CAB39: variants seen among roughly 807,000 people sequenced by gnomAD.
The protein encoded by CAB39 is calcium-binding protein 39.
CAB39 carries 8 observed loss-of-function variants against 40.0 expected under a neutral mutation model. The observed-to-expected ratio is 0.20, with a 90% CI of 0.12 to 0.36. The LOEUF is 0.36. Among genes scored for constraint, CAB39 ranks in the 10% least tolerant of loss-of-function variants. CAB39 has a pLI of 1.00. For missense variants in CAB39, 270 were observed against 401.1 expected (o/e 0.67, Z 2.79); for synonymous variants, 156 against 141.6 (o/e 1.10, Z -0.72).
At chr2:230,721,990 T>A (rs1401898268) in intron 1 of CAB39, among the ~76,000 whole-genome samples, 5 of 152,016 alleles carry the variant, frequency 3.3e-5, no homozygotes, top group Admixed American at 3.3e-4. Context: ...CTAATTCGGA[T>A]GATAATTTTT....
intron 2 of CAB39, among the ~76,000 whole-genome samples, chr2:230,785,531 G>T (rs1489454723): frequency 1.3e-5 from 2 of 151,922 alleles, no homozygotes; most frequent in Non-Finnish European, 2.9e-5. Context: ...TAACAGGCAG[G>T]GTGAGTTCCT....
At chr2:230,805,579 A>G (rs1002578446) in intron 5 of CAB39, among the ~76,000 whole-genome samples, 3 of 152,146 alleles carry the variant, frequency 2.0e-5, no homozygotes, top group African/African-American at 7.2e-5. Flanking sequence ...CTCACCTCCA[A>G]TCTCTTCATC....
At chr2:230,769,004 A>G (rs1695437059) in intron 2 of CAB39, among the ~76,000 whole-genome samples, 1 of 152,192 alleles carries the variant, frequency 6.6e-6, no homozygotes, top group Non-Finnish European at 1.5e-5. Flanking sequence ...GTGCCTATTA[A>G]AAAATGTACT....
intron 1 of CAB39, among the ~76,000 whole-genome samples, chr2:230,754,927 A>T (rs992418458): frequency 6.6e-6 from 1 of 152,208 alleles, no homozygotes; most frequent in African/African-American, 2.4e-5. Flanking sequence ...TGTCAGTGAG[A>T]ACATTATGAT....
At chr2:230,784,742 A>G (rs1239246565) in intron 2 of CAB39, among the ~76,000 whole-genome samples, 1 of 152,172 alleles carries the variant, frequency 6.6e-6, no homozygotes, top group African/African-American at 2.4e-5. Context: ...AGAAAAAAAG[A>G]ATTAACGCGG....
chr2:230,750,252 G>T (rs1267523129), intron 1 of CAB39, among the ~76,000 whole-genome samples: 2 of 152,206 alleles, frequency 1.3e-5, no homozygotes, highest in African/African-American at 4.8e-5. Flanking sequence ...CGTTAAGAGG[G>T]ATTAATGCCT....
At chr2:230,803,848 C>T (rs952956821) in intron 5 of CAB39, among the ~76,000 whole-genome samples, 20 of 152,112 alleles carry the variant, frequency 1.3e-4, no homozygotes, top group African/African-American at 4.1e-4. Flanking sequence ...GATTCAATGC[C>T]ATTCCCATCA....
At chr2:230,772,982 T>TAAAAAAAAAA (rs10713369) in intron 2 of CAB39, among the ~76,000 whole-genome samples, 1 of 115,056 alleles carries the variant, frequency 8.7e-6, no homozygotes, top group African/African-American at 3.0e-5. Flanking sequence ...TACTCAGCAA[T>TAAAAAAAAAA]AAAAAAAAAA....
chr2:230,721,440 A>G (rs1694451633), intron 1 of CAB39, among the ~76,000 whole-genome samples: 1 of 152,226 alleles, frequency 6.6e-6, no homozygotes, highest in Non-Finnish European at 1.5e-5. Context: ...CAAAAGAAAA[A>G]AGAAAAAGCA....
chr2:230,764,064 G>A (rs906959346), intron 2 of CAB39, among the ~76,000 whole-genome samples: 1 of 152,058 alleles, frequency 6.6e-6, no homozygotes, highest in Non-Finnish European at 1.5e-5. Flanking sequence ...AGAGGTTGCA[G>A]GGAGCCAAGA....
chr2:230,804,837 G>A (rs1018870232), intron 5 of CAB39, among the ~76,000 whole-genome samples: 3 of 152,220 alleles, frequency 2.0e-5, no homozygotes, highest in African/African-American at 7.2e-5. Flanking sequence ...AAGACAGTGT[G>A]GCGATTCCTG....
chr2:230,800,493 A>G (rs1006609429), intron 5 of CAB39, among the ~76,000 whole-genome samples: 1 of 152,250 alleles, frequency 6.6e-6, no homozygotes, highest in Admixed American at 6.5e-5. Context: ...ATGATGTCTT[A>G]GGTGTCACCA....
At chr2:230,779,533 T>C (rs1402266316) in intron 2 of CAB39, 1 of 152,218 alleles carries the variant, frequency 6.6e-6, no homozygotes, top group Non-Finnish European at 1.5e-5. Context: ...AGTTGGCTAC[T>C]TTTAATAAAG....
At chr2:230,818,325 T>C (rs1470592308) in intron 8 of CAB39, 191 bp from the exon 9 acceptor site, 1 of 561,664 alleles carries the variant, frequency 1.8e-6, no homozygotes, top group Non-Finnish European at 3.1e-6. Context: ...GTCGTATTTG[T>C]GTTAAAACAT....
intron 2 of CAB39, among the ~76,000 whole-genome samples, chr2:230,789,902 G>A (rs1043353082): frequency 6.6e-6 from 1 of 152,080 alleles, no homozygotes; most frequent in Admixed American, 6.6e-5. Flanking sequence ...CTTCTCTCAG[G>A]GATCACTGTC....
chr2:230,759,181 C>G (rs1695246416), intron 1 of CAB39, among the ~76,000 whole-genome samples: 1 of 152,184 alleles, frequency 6.6e-6, no homozygotes, highest in Non-Finnish European at 1.5e-5. Flanking sequence ...TAGGGGATTA[C>G]AGGATCTAAT....
intron 1 of CAB39, among the ~76,000 whole-genome samples, chr2:230,738,072 G>C (rs572801367): frequency 1.3e-5 from 2 of 152,284 alleles, no homozygotes; most frequent in Admixed American, 1.3e-4. Flanking sequence ...AAGTCTTCCA[G>C]TGAAACATTT....
chr2:230,759,938 G>T, intron 1 of CAB39, 21 bp from the exon 2 acceptor site: 2 of 810,138 alleles, frequency 2.5e-6, no homozygotes, highest in South Asian at 1.7e-5. Flanking sequence ...TTGCTCACAT[G>T]AACCTTGTGC....
chr2:230,788,415 CT>C (rs1695832709), intron 2 of CAB39, among the ~76,000 whole-genome samples: 1 of 151,926 alleles, frequency 6.6e-6, no homozygotes, highest in African/African-American at 2.4e-5. Flanking sequence ...ATTTTTTGTT[CT>C]ACATATGTTA....
Sources: gnomAD v4.1 joint callset for allele counts (sites outside exome capture counted in the v4.1 genomes callset) on GRCh38, gnomAD v4.1.1 for gene constraint, MANE v1.5 for transcripts, NCBI Gene and HGNC (gene_info 2026-07-23, HGNC 2026-07-21) for gene names.